LPL: variants seen among roughly 807,000 people sequenced by gnomAD.
The protein encoded by LPL is lipoprotein lipase, also known as phospholipase A1.
LPL carries 43 observed loss-of-function variants against 52.2 expected under a neutral mutation model. The ratio of observed to expected loss-of-function variants is 0.82; its 90% CI spans 0.64 to 1.06. The LOEUF (loss-of-function observed/expected upper bound fraction) is 1.06, where lower values mean the gene tolerates loss of function less well. Among genes scored for constraint, LPL ranks in the 50% least tolerant of loss-of-function variants. The pLI is 0.00. For missense variants in LPL, 639 were observed against 585.3 expected (o/e 1.09, Z -0.95); for synonymous variants, 244 against 215.6 (o/e 1.13, Z -1.15).
chr8:19,963,143 G>T (rs561763120), intron 9 of LPL, among the ~76,000 whole-genome samples: 8 of 152,328 alleles, frequency 5.3e-5, no homozygotes, highest in African/African-American at 1.9e-4. Flanking sequence ...TTGCATTTGG[G>T]ACAAATGTAT....
chr8:19,951,723 A>C (rs2069935631), intron 2 of LPL, 46 bp from the exon 3 acceptor site: 1 of 1,605,342 alleles, frequency 6.2e-7, no homozygotes, highest in Non-Finnish European at 8.5e-7. Context: ...TATCTATGAC[A>C]AGTGGTAGGT....
chr8:19,948,229 T>A lies in LPL; in HGVS notation c.138T>A (p.Pro46=), dbSNP rs1188603468. The A allele has an allele frequency of 6.2e-7, 1 of 1,614,136 alleles. No homozygotes were observed. The highest frequency in any genetic ancestry group is 8.5e-7 in the Non-Finnish European group (1 of 1,179,998). The change falls in exon 2 of 10, where the codon CCT becomes CCA. Residue 46 remains proline, a synonymous_variant. Coordinates refer to ENST00000650287, the MANE Select transcript of LPL (RefSeq NM_000237.3). ...DIESKFALRT[P]EDTAEDTCHL... ...AAAGTAAATTTGCCCTAAGGACCCC[T>A]GAAGACACAGCTGAGGACACTTGCC...
At chr8:19,957,798 TA>T (rs779879753) in intron 6 of LPL, among the ~76,000 whole-genome samples, 70 of 152,272 alleles carry the variant, frequency 4.6e-4, no homozygotes, top group Non-Finnish European at 8.5e-4. Context: ...CAACATTTAT[TA>T]AAAATTTTTT....
At position 19,950,923 on chromosome 8, in the gene LPL, A is replaced by AAGGAAGGAAGGAAGGGAGGG. The variant is rs2069929049; in HGVS notation, c.250-835_250-834insAAGGGAGGGAGGAAGGAAGG. ...GAAGGAAGGAAGGAAGGAATGAAGG[A>AAGGAAGGAAGGAAGGGAGGG]AGGAAGGAAGGGAGGGAGGAAGAAA... On this transcript the variant is annotated intron_variant, in intron 2 of 9. Coordinates refer to ENST00000650287, the MANE Select transcript of LPL (RefSeq NM_000237.3). The surrounding 1 kb of genome is among the most constrained non-coding windows in gnomAD (Gnocchi z 4.2). Among the ~76,000 whole-genome samples the AAGGAAGGAAGGAAGGGAGGG allele has an allele frequency of 6.9e-6, 1 of 145,766 alleles. No individual in the cohort carries two copies. Among genetic ancestry groups the AAGGAAGGAAGGAAGGGAGGG allele is most frequent in the Non-Finnish European group, 1.6e-5 (1 of 64,510 alleles).
chr8:19,959,483 T>A, intron 7 of LPL, 103 bp downstream of exon 7: 1 of 1,403,840 alleles, frequency 7.1e-7, no homozygotes, highest in Non-Finnish European at 9.6e-7. Flanking sequence ...AAAACAAGTC[T>A]TTAGTTAAAA....
chr8:19,953,402 G>A lies in LPL; in HGVS notation c.522G>A (p.Lys174=). ...AAGIAGSLTN[K]KVNRITGLDP... is the part of the protein sequence containing the mutation. ...GCATTGCAGGAAGTCTGACCAATAA[G>A]AAAGTCAACAGAATTACTGGTAAGA... The change falls in exon 4 of 10, where the codon AAG becomes AAA. Residue 174 remains lysine (K), a synonymous_variant. Transcript: ENST00000650287. 1 of 1,613,636 alleles carries A rather than the reference G, an allele frequency of 6.2e-7. No homozygotes were observed.
At chr8:19,956,228 G>T (rs2069984611) in intron 6 of LPL, 145 bp downstream of exon 6, 3 of 1,174,022 alleles carry the variant, frequency 2.6e-6, no homozygotes, top group African/African-American at 3.0e-5. Flanking sequence ...CTGTTGATAG[G>T]GGGTTGCATT....
intron 1 of LPL, among the ~76,000 whole-genome samples, chr8:19,945,019 T>C (rs572654340): frequency 3.9e-5 from 6 of 151,930 alleles, no homozygotes; most frequent in African/African-American, 1.4e-4. Context: ...CCCTCCCTCC[T>C]GTACTCCTCT....
intron 1 of LPL, among the ~76,000 whole-genome samples, chr8:19,946,257 C>T (rs2069881047): frequency 1.3e-5 from 2 of 152,010 alleles, no homozygotes; most frequent in African/African-American, 2.4e-5. Flanking sequence ...GGAGTGTTTA[C>T]CCATTGTAAC....
At chr8:19,964,422 C>A (rs946136131) in intron 9 of LPL, among the ~76,000 whole-genome samples, 1 of 152,160 alleles carries the variant, frequency 6.6e-6, no homozygotes, top group Admixed American at 6.5e-5. Flanking sequence ...TTATATGTTA[C>A]AAGACTTTAT....
At chr8:19,960,237 C>A (rs1485491678) in intron 7 of LPL, among the ~76,000 whole-genome samples, 1 of 152,174 alleles carries the variant, frequency 6.6e-6, no homozygotes, top group Non-Finnish European at 1.5e-5. Context: ...CGGCTAGAAC[C>A]CTCCAGGTGC....
At chr8:19,951,072 C>A (rs545910947) in intron 2 of LPL, among the ~76,000 whole-genome samples, 2 of 152,112 alleles carry the variant, frequency 1.3e-5, no homozygotes, top group Non-Finnish European at 2.9e-5. Flanking sequence ...CAGGCACAGA[C>A]GAAGGGAAAT....
chr8:19,960,907 A>G lies in LPL; in HGVS notation c.1146A>G (p.Glu382=), dbSNP rs1590147844. ...ESENIPFTLP[E]VSTNKTYSFL... ...TTATTGCTTTTTTGTTTAGGCCTGA[A>G]GTTTCCACAAATAAGACCTACTCCT... Residue 382 remains glutamate (E), a synonymous_variant, in exon 8 of 10, where the codon GAA becomes GAG. Coordinates refer to ENST00000650287, the MANE Select transcript of LPL (RefSeq NM_000237.3). 1 of 1,613,576 alleles carries G rather than the reference A, an allele frequency of 6.2e-7. No individual in the cohort carries two copies. Among genetic ancestry groups the G allele is most frequent in the Non-Finnish European group, 8.5e-7 (1 of 1,179,774 alleles).
chr8:19,948,935 T>TA (rs530320828), intron 2 of LPL, among the ~76,000 whole-genome samples: 2,166 of 144,214 alleles, frequency 0.015, 32 homozygotes, highest in African/African-American at 0.04. Context: ...TTCTGGAAAT[T>TA]AAAAAAAAAA....
chr8:19,964,433 C>T (rs1223807781), intron 9 of LPL, among the ~76,000 whole-genome samples: 1 of 152,186 alleles, frequency 6.6e-6, no homozygotes, highest in Non-Finnish European at 1.5e-5. Flanking sequence ...AAGACTTTAT[C>T]TGAGAAAGCC....
At position 19,961,018 on chromosome 8, in the gene LPL, C is replaced by G; in HGVS notation, c.1257C>G (p.Asp419Glu). ...GTGATTCATACTTTAGCTGGTCAGA[C>G]TGGTGGAGCAGTCCCGGCTTCGCCA... ...WKSDSYFSWSDWWSSPGFAIQ... is the reference protein window; with the variant it reads ...WKSDSYFSWSEWWSSPGFAIQ... The change falls in exon 8 of 10, where the codon GAC becomes GAG. Residue 419 changes from aspartate to glutamate, a missense_variant. Transcript: ENST00000650287. 2 of 1,614,144 alleles carry G rather than the reference C, an allele frequency of 1.2e-6. No homozygotes were observed. Among genetic ancestry groups the G allele is most frequent in the Non-Finnish European group, 1.7e-6 (2 of 1,180,016 alleles).
At position 19,965,377 on chromosome 8, in the gene LPL, AC is replaced by A; in HGVS notation, c.*68del. ...TGTGAAGAATGAAGTGGAGGAAGTA[AC>A]TTTTACAAAACATACCCAGTGTTTG... is the stretch of plus-strand genomic sequence containing the variant. On this transcript the variant is annotated 3_prime_UTR_variant, in exon 10 of 10. Transcript: ENST00000650287. The A allele has an allele frequency of 1.3e-6, 1 of 779,818 alleles. No individual in the cohort carries two copies. Among genetic ancestry groups the A allele is most frequent in the Admixed American group, 1.7e-5 (1 of 58,992 alleles). The allele number at this position is 779,818 out of a possible 1,614,324, so 48.3% of individuals were successfully genotyped here. A position where few individuals can be genotyped will look rare whatever the true frequency, so the allele number is the denominator to read the frequency against.
At chr8:19,959,869 A>G (rs2070022480) in intron 7 of LPL, among the ~76,000 whole-genome samples, 1 of 140,454 alleles carries the variant, frequency 7.1e-6, no homozygotes, top group African/African-American at 2.7e-5. Context: ...GCTCACTGCA[A>G]CCTCTACCTC....
At chr8:19,953,671 C>G (rs186737918) in intron 4 of LPL, among the ~76,000 whole-genome samples, 2 of 152,214 alleles carry the variant, frequency 1.3e-5, no homozygotes, top group Admixed American at 6.5e-5. Context: ...CTGCAGATTT[C>G]TCTGGGAAGC....
Sources: allele counts gnomAD v4.1 joint callset (sites outside exome capture counted in the v4.1 genomes callset), GRCh38; gene constraint gnomAD v4.1.1; non-coding constraint Gnocchi (gnomAD v3.1); transcripts MANE v1.5; gene names NCBI Gene and HGNC (gene_info 2026-07-23, HGNC 2026-07-21).